ITPR2: variants seen among roughly 807,000 people sequenced by gnomAD.
The protein encoded by ITPR2 is inositol 1,4,5-trisphosphate receptor type 2.
In ITPR2, 207 loss-of-function variants were observed where a neutral mutation model predicts 317.1. The observed-to-expected ratio is 0.65, with a 90% CI of 0.58 to 0.73. The LOEUF (loss-of-function observed/expected upper bound fraction) is 0.73. Ranked by LOEUF, ITPR2 falls within the 30% of genes least tolerant of loss-of-function variation. The pLI, the probability that ITPR2 is intolerant of heterozygous loss-of-function variation, is 0.00. For missense variants in ITPR2, 2,613 were observed against 3,284.0 expected (o/e 0.80, Z 4.99); for synonymous variants, 1,156 against 1,149.1 (o/e 1.01, Z -0.12).
At chr12:26,757,214 AC>A in intron 2 of ITPR2, among the ~76,000 whole-genome samples, 1 of 146,936 alleles carries the variant, frequency 6.8e-6, no homozygotes, top group South Asian at 2.1e-4. Flanking sequence ...CTATTCCTTT[AC>A]TTTCTTTTTT....
rs1349095301 is a variant in ITPR2, at chr12:26,539,141, A to C, written c.5073+11106T>G. Among the ~76,000 whole-genome samples, 3 of 152,194 alleles carry C rather than the reference A, an allele frequency of 2.0e-5. No homozygotes were observed. The East Asian group carries it at 5.8e-4, about 29-fold the overall frequency. ...CCTGTTCAAACAGTATCCCGAAATT[A>C]GTGTATTTGATAGAAAAGGTGAAAT... On this transcript the variant is annotated intron_variant, in intron 37 of 56. Transcript: ENST00000381340.
At chr12:26,557,556 A>T (rs1410803558) in intron 35 of ITPR2, among the ~76,000 whole-genome samples, 2 of 152,122 alleles carry the variant, frequency 1.3e-5, no homozygotes, top group African/African-American at 4.8e-5. Flanking sequence ...GTGAATCCGA[A>T]ATCTGAGACA....
intron 1 of ITPR2, among the ~76,000 whole-genome samples, chr12:26,830,619 T>C (rs1951085399): frequency 6.6e-6 from 1 of 152,242 alleles, no homozygotes; most frequent in Non-Finnish European, 1.5e-5. Context: ...GTCAAACTTG[T>C]AGCTTCCTGA....
chr12:26,519,857 A>T (rs1943618254), intron 37 of ITPR2, among the ~76,000 whole-genome samples: 1 of 152,230 alleles, frequency 6.6e-6, no homozygotes, highest in South Asian at 2.1e-4. Flanking sequence ...AATCAACGAG[A>T]TATATTAAGT....
chr12:26,509,958 T>TGTGTGTG, intron 37 of ITPR2, among the ~76,000 whole-genome samples: 1 of 53,262 alleles, frequency 1.9e-5, no homozygotes, highest in Non-Finnish European at 4.0e-5. Context: ...GATAAGGGTT[T>TGTGTGTG]TGTGTGTGTG....
chr12:26,790,612 C>CACAT (rs1453265777), intron 1 of ITPR2, among the ~76,000 whole-genome samples: 1 of 152,000 alleles, frequency 6.6e-6, no homozygotes, highest in Non-Finnish European at 1.5e-5. Context: ...CACACACACA[C>CACAT]ACACACTTCT....
At chr12:26,832,160 T>G (rs1225184206) in intron 1 of ITPR2, among the ~76,000 whole-genome samples, 1 of 152,000 alleles carries the variant, frequency 6.6e-6, no homozygotes, top group East Asian at 1.9e-4. Flanking sequence ...AGGAAACTGC[T>G]CCAGCGAAGA....
intron 54 of ITPR2, among the ~76,000 whole-genome samples, chr12:26,394,607 G>C (rs1022945180): frequency 6.6e-6 from 1 of 152,168 alleles, no homozygotes; most frequent in Non-Finnish European, 1.5e-5. Context: ...AAAAAAAGAA[G>C]GGGCCAGATT....
intron 52 of ITPR2, among the ~76,000 whole-genome samples, chr12:26,410,466 A>G (rs12826091): frequency 0.3 from 46,021 of 152,094 alleles, 8,656 homozygotes; most frequent in Non-Finnish European, 0.43. Flanking sequence ...GAAAGAAAGC[A>G]CTATCATTAT....
chr12:26,714,913 C>A (rs909335059), intron 8 of ITPR2, among the ~76,000 whole-genome samples: 1 of 152,192 alleles, frequency 6.6e-6, no homozygotes, highest in African/African-American at 2.4e-5. Context: ...GTTCTGGCCT[C>A]AACCTTCCTC....
At chr12:26,377,124 T>G (rs1250970527) in intron 55 of ITPR2, among the ~76,000 whole-genome samples, 2 of 152,176 alleles carry the variant, frequency 1.3e-5, no homozygotes, top group African/African-American at 4.8e-5. Context: ...GTCCTCACTG[T>G]TTTTCTAGAC....
At chr12:26,809,414 C>A (rs1273007804) in intron 1 of ITPR2, among the ~76,000 whole-genome samples, 1 of 152,178 alleles carries the variant, frequency 6.6e-6, no homozygotes, top group Non-Finnish European at 1.5e-5. Context: ...ATCAAATGTA[C>A]ACAATGAATT....
At chr12:26,771,055 T>A (rs1555188912) in intron 2 of ITPR2, among the ~76,000 whole-genome samples, 1 of 152,206 alleles carries the variant, frequency 6.6e-6, no homozygotes, top group Non-Finnish European at 1.5e-5. Context: ...CAAGGATATA[T>A]AAGATTTAGG....
intron 43 of ITPR2, among the ~76,000 whole-genome samples, chr12:26,478,270 T>G (rs1942461353): frequency 2.0e-5 from 3 of 152,146 alleles, no homozygotes; most frequent in South Asian, 4.1e-4. Flanking sequence ...GACGTCAGTA[T>G]TTTGGAGGAA....
At chr12:26,701,041 G>T (rs1948435366) in intron 9 of ITPR2, among the ~76,000 whole-genome samples, 1 of 152,226 alleles carries the variant, frequency 6.6e-6, no homozygotes. Context: ...CCATGGCAGT[G>T]AGTAACAGAG....
chr12:26,804,924 G>A (rs1010551309), intron 1 of ITPR2, among the ~76,000 whole-genome samples: 17 of 151,938 alleles, frequency 1.1e-4, no homozygotes, highest in African/African-American at 2.7e-4. Flanking sequence ...TAGTAGAGAC[G>A]GGGTTTTGCC....
intron 21 of ITPR2, among the ~76,000 whole-genome samples, chr12:26,651,604 C>T (rs1449083586): frequency 6.6e-6 from 1 of 152,192 alleles, no homozygotes; most frequent in Non-Finnish European, 1.5e-5. Context: ...TATTCTTCTG[C>T]TTCACAGTTA....
chr12:26,698,570 T>C (rs576115876), intron 9 of ITPR2, among the ~76,000 whole-genome samples: 1 of 152,096 alleles, frequency 6.6e-6, no homozygotes, highest in Admixed American at 6.6e-5. Flanking sequence ...GGAGTATGGA[T>C]GGAAAGCATT....
At chr12:26,760,709 T>C (rs929288108) in intron 2 of ITPR2, among the ~76,000 whole-genome samples, 5 of 152,180 alleles carry the variant, frequency 3.3e-5, no homozygotes, top group African/African-American at 1.2e-4. Flanking sequence ...TGTTCTGTGG[T>C]AGATGAGGAA....
Sources: allele counts gnomAD v4.1 joint callset (sites outside exome capture counted in the v4.1 genomes callset), GRCh38; gene constraint gnomAD v4.1.1; transcripts MANE v1.5; gene names NCBI Gene and HGNC (gene_info 2026-07-23, HGNC 2026-07-21).